The following PTPRT variants were observed in gnomAD, a reference collection of about 807,000 sequenced individuals.
PTPRT encodes receptor-type tyrosine-protein phosphatase T.
Under a neutral mutation model 176.8 loss-of-function variants are expected in PTPRT, and 56 were observed. The observed-to-expected ratio is 0.32, with a 90% CI of 0.26 to 0.40. PTPRT has a LOEUF of 0.40. PTPRT is among the 10% of genes least tolerant of loss of function. PTPRT has a pLI of 1.00. For missense variants in PTPRT, 1,540 were observed against 1,908.2 expected, an observed-to-expected ratio of 0.81 and a Z score of 3.60; for synonymous variants, 783 against 739.0, an observed-to-expected ratio of 1.06 and a Z score of -0.96.
At chr20:42,270,277 GGGGTGGGTGGGT>G (rs1449771766) in intron 13 of PTPRT, 2 of 786,982 alleles carry the variant, frequency 2.5e-6, no homozygotes, top group Non-Finnish European at 4.1e-6. Flanking sequence ...AATGGGTGGG[GGGGTGGGTGGGT>G]GGGTGGGGTG....
intron 1 of PTPRT, among the ~76,000 whole-genome samples, chr20:42,963,622 A>C (rs532266819): frequency 3.8e-4 from 58 of 152,108 alleles, no homozygotes; most frequent in African/African-American, 1.3e-3. Context: ...CATAACTTTA[A>C]ATAATAATTA....
chr20:43,029,261 A>C (rs539293694), intron 1 of PTPRT, among the ~76,000 whole-genome samples: 3 of 152,328 alleles, frequency 2.0e-5, no homozygotes, highest in South Asian at 2.1e-4. Context: ...CAAGCCCCCA[A>C]ATTACACGGA....
intron 15 of PTPRT, among the ~76,000 whole-genome samples, chr20:42,201,730 C>CAAAAAAAAAAAAAAAAAAAAA (rs57007206): frequency 1.4e-5 from 1 of 74,060 alleles, no homozygotes; most frequent in Non-Finnish European, 2.5e-5. Context: ...GAACCAGAGG[C>CAAAAAAAAAAAAAAAAAAAAA]AAAAAAAAAA....
At chr20:42,235,771 C>A (rs2056229222) in intron 15 of PTPRT, among the ~76,000 whole-genome samples, 1 of 152,160 alleles carries the variant, frequency 6.6e-6, no homozygotes, top group African/African-American at 2.4e-5. Context: ...TGAATCCCTG[C>A]AGACTTTCTG....
In PTPRT at chr20:43,189,854, C is replaced by G. The variant is rs1020995418; in HGVS notation, c.-121G>C. ...GGCTGTGCGCGCGGCTGGCTCCGCT[C>G]GGGCTCCCGGAGCCGGCGCTCCTGC... On this transcript the variant is annotated 5_prime_UTR_variant, in exon 1 of 31. Coordinates refer to ENST00000373187, the MANE Select transcript of PTPRT (RefSeq NM_007050.6). The surrounding 1 kb of genome is among the most constrained non-coding windows in gnomAD (Gnocchi z 5.0). 1 of 325,874 alleles carries G rather than the reference C, an allele frequency of 3.1e-6. No homozygotes were observed. The highest frequency in any genetic ancestry group is 4.3e-6 in the Non-Finnish European group (1 of 233,952). 20.2% of individuals were successfully genotyped at this position (325,874 alleles called of 1,614,324 possible). A position where few individuals can be genotyped will look rare whatever the true frequency, so the allele number is the denominator to read the frequency against.
chr20:42,242,934 G>A (rs1048939697), intron 14 of PTPRT, among the ~76,000 whole-genome samples: 1 of 151,924 alleles, frequency 6.6e-6, no homozygotes, highest in Non-Finnish European at 1.5e-5. Context: ...TAGGTTAGAG[G>A]GGTGGGGCAC....
intron 1 of PTPRT, among the ~76,000 whole-genome samples, chr20:42,986,668 C>T (rs1234539809): frequency 2.6e-5 from 4 of 152,198 alleles, no homozygotes; most frequent in African/African-American, 4.8e-5. Flanking sequence ...TTCTTCCATG[C>T]GTCACTCACT....
chr20:42,876,460 G>A (rs1426177712), intron 2 of PTPRT, among the ~76,000 whole-genome samples: 5 of 152,030 alleles, frequency 3.3e-5, no homozygotes, highest in African/African-American at 7.2e-5. Context: ...GCCCCAGAGC[G>A]AAGGAAGGGA....
At chr20:43,083,456 GT>G (rs2011522083) in intron 1 of PTPRT, among the ~76,000 whole-genome samples, 3 of 149,394 alleles carry the variant, frequency 2.0e-5, no homozygotes, top group South Asian at 4.3e-4. Context: ...TGCCTCCTGG[GT>G]TCAAGCACTT....
intron 17 of PTPRT, among the ~76,000 whole-genome samples, chr20:42,147,741 G>A (rs968488020): frequency 6.6e-6 from 1 of 152,190 alleles, no homozygotes; most frequent in Non-Finnish European, 1.5e-5. Flanking sequence ...GCCCTGTCAT[G>A]GTCCTGGGAG....
In PTPRT at chr20:42,326,054, T is replaced by C. The variant is rs184743787; in HGVS notation, c.1866-10058A>G. Among the ~76,000 whole-genome samples, 10 of 152,312 alleles carry C rather than the reference T, an allele frequency of 6.6e-5. No individual in the cohort carries two copies. In the East Asian group the frequency reaches 1.9e-3, roughly 29 times the overall value. ...AAAATAGCAACCGAAATCCACAATA[T>C]AGCCAATTACACTTTCCCTCTTAAT... On this transcript the variant is annotated intron_variant, in intron 11 of 30. Transcript: ENST00000373187.
At chr20:42,841,385 C>T (rs888501535) in intron 2 of PTPRT, among the ~76,000 whole-genome samples, 1 of 152,134 alleles carries the variant, frequency 6.6e-6, no homozygotes, top group African/African-American at 2.4e-5. Context: ...GATCACAACA[C>T]TCAGGACAAA....
intron 6 of PTPRT, among the ~76,000 whole-genome samples, chr20:42,718,394 G>A (rs929365038): frequency 2.0e-4 from 31 of 152,026 alleles, no homozygotes; most frequent in African/African-American, 6.8e-4. Context: ...AAAATCAGCC[G>A]GGCTTGGTGG....
intron 9 of PTPRT, among the ~76,000 whole-genome samples, chr20:42,365,471 C>T (rs1469098615): frequency 6.6e-6 from 1 of 151,846 alleles, no homozygotes; most frequent in East Asian, 1.9e-4. Flanking sequence ...GGATTTTTCC[C>T]CACCCTACCC....
rs138630877 is a variant in PTPRT at position 42,518,681 on chromosome 20, G to T, written c.1154-46119C>A. On this transcript the variant is annotated intron_variant, in intron 7 of 30. Coordinates refer to ENST00000373187, the MANE Select transcript of PTPRT (RefSeq NM_007050.6). ...TATTGTCTTTCTTCCTTTTGGCTTT[G>T]TTGATCTTCTGGGATTTTTTCTGTT... Among the ~76,000 whole-genome samples, 681 of 151,952 alleles carry T rather than the reference G, an allele frequency of 4.5e-3. 4 individuals carry two copies. The highest frequency in any genetic ancestry group is 0.016 in the African/African-American group (649 of 41,476).
chr20:42,345,276 A>G (rs1398483869), intron 11 of PTPRT, among the ~76,000 whole-genome samples: 1 of 151,688 alleles, frequency 6.6e-6, no homozygotes, highest in Non-Finnish European at 1.5e-5. Flanking sequence ...CAGTCATACC[A>G]CACAGCACAC....
the PTPRT span, among the ~76,000 whole-genome samples, chr20:42,065,830 A>C: frequency 3.3e-4 from 51 of 152,272 alleles, no homozygotes; most frequent in South Asian, 7.1e-3. Flanking sequence ...TCTACCACTA[A>C]TTATTTTAAC....
chr20:42,608,749 C>G (rs2073925720), intron 7 of PTPRT, among the ~76,000 whole-genome samples: 2 of 152,150 alleles, frequency 1.3e-5, no homozygotes, highest in Admixed American at 1.3e-4. Flanking sequence ...AGGGTCTTGC[C>G]ATGGGGTCCA....
intron 2 of PTPRT, among the ~76,000 whole-genome samples, chr20:42,837,726 C>A (rs895983944): frequency 7.2e-5 from 11 of 152,112 alleles, no homozygotes. Context: ...AGTTGCTACA[C>A]GCAGAACAGA....
Sources: gnomAD v4.1 joint callset for allele counts (sites outside exome capture counted in the v4.1 genomes callset) on GRCh38, gnomAD v4.1.1 for gene constraint, Gnocchi (gnomAD v3.1) non-coding constraint, MANE v1.5 for transcripts, NCBI Gene and HGNC (gene_info 2026-07-23, HGNC 2026-07-21) for gene names.